RNF216: variants seen among roughly 807,000 people sequenced by gnomAD.
The protein encoded by RNF216 is E3 ubiquitin-protein ligase RNF216.
A neutral mutation model predicts 110.8 loss-of-function variants in RNF216; 72 were observed. That is an observed-to-expected ratio of 0.65 (90% CI 0.54 to 0.79). RNF216 has a LOEUF of 0.79. RNF216 is among the 30% of genes least tolerant of loss of function. The pLI is 0.00. For synonymous variants in RNF216, 495 were observed against 407.5 expected (o/e 1.21, Z -2.59); for missense variants, 1,342 against 1,141.2 (o/e 1.18, Z -2.54).
chr7:5,689,801 A>G (rs946791641), intron 13 of RNF216, among the ~76,000 whole-genome samples: 7 of 152,082 alleles, frequency 4.6e-5, no homozygotes, highest in African/African-American at 1.7e-4. Flanking sequence ...TAAAAATGCA[A>G]AAAAATTAGC....
At chr7:5,640,323 A>T (rs887924638) in intron 15 of RNF216, among the ~76,000 whole-genome samples, 1 of 152,152 alleles carries the variant, frequency 6.6e-6, no homozygotes, top group Non-Finnish European at 1.5e-5. Context: ...CAAGATTATA[A>T]AAGTCATTCC....
chr7:5,636,645 C>T (rs556454912), intron 15 of RNF216, among the ~76,000 whole-genome samples: 18 of 152,278 alleles, frequency 1.2e-4, no homozygotes, highest in Admixed American at 9.2e-4. Context: ...GGTTGGAATT[C>T]GATCGGTCTC....
chr7:5,682,551 G>A (rs756594575), intron 13 of RNF216, among the ~76,000 whole-genome samples: 1 of 151,964 alleles, frequency 6.6e-6, no homozygotes, highest in Non-Finnish European at 1.5e-5. Flanking sequence ...GGGACTACAG[G>A]TGCCCACCAC....
At chr7:5,698,583 G>A (rs977170871) in intron 13 of RNF216, among the ~76,000 whole-genome samples, 2 of 150,824 alleles carry the variant, frequency 1.3e-5, no homozygotes, top group Non-Finnish European at 3.0e-5. Flanking sequence ...GTGTAGAGAC[G>A]AGGTTGTGCT....
intron 13 of RNF216, among the ~76,000 whole-genome samples, chr7:5,682,788 T>C (rs1790743449): frequency 6.6e-6 from 1 of 152,194 alleles, no homozygotes; most frequent in Non-Finnish European, 1.5e-5. Flanking sequence ...TTTGAAACTG[T>C]GCTCCAAGAG....
At chr7:5,725,124 G>A (rs1259315147) in intron 8 of RNF216, among the ~76,000 whole-genome samples, 200 bp downstream of exon 8, 1 of 152,138 alleles carries the variant, frequency 6.6e-6, no homozygotes, top group Non-Finnish European at 1.5e-5. Context: ...TTTATCTTAA[G>A]TAGGAAGAAG....
At chr7:5,692,099 T>A (rs1324608876) in intron 13 of RNF216, among the ~76,000 whole-genome samples, 1 of 152,240 alleles carries the variant, frequency 6.6e-6, no homozygotes, top group African/African-American at 2.4e-5. Context: ...TGACAGCAAG[T>A]AAGCCCGCAA....
chr7:5,776,388 C>T (rs1584629564), intron 1 of RNF216, among the ~76,000 whole-genome samples: 1 of 151,144 alleles, frequency 6.6e-6, no homozygotes, highest in South Asian at 2.1e-4. Flanking sequence ...CGGAGACCAT[C>T]CTGGCTAACA....
chr7:5,661,587 A>C (rs1484181219), intron 13 of RNF216, among the ~76,000 whole-genome samples: 1 of 152,082 alleles, frequency 6.6e-6, no homozygotes, highest in Non-Finnish European at 1.5e-5. Context: ...TGGATCACTT[A>C]AGGTCAGGAG....
chr7:5,665,405 C>T (rs141638980), intron 13 of RNF216, among the ~76,000 whole-genome samples: 1 of 152,242 alleles, frequency 6.6e-6, no homozygotes, highest in East Asian at 1.9e-4. Flanking sequence ...TTCATACACA[C>T]CTCACCTACC....
chr7:5,657,617 T>C (rs1788829056), intron 13 of RNF216, among the ~76,000 whole-genome samples: 4 of 151,836 alleles, frequency 2.6e-5, no homozygotes, highest in African/African-American at 9.7e-5. Context: ...TCTCCAGCAC[T>C]CTTGAGGTAA....
In RNF216 at chr7:5,781,605, C is replaced by T. The variant is rs1170103609; in HGVS notation, c.-134G>A. The stretch of plus-strand genomic sequence containing the variant: ...GCCTTCGCTACCGCGCCGCTTACTC[C>T]TCAGAAGCCGCAGCTGCGAGCTCCG... On this transcript the variant is annotated 5_prime_UTR_variant, in exon 1 of 17. Transcript: ENST00000389902. 6.6e-6 allele frequency: 1 copy of T among 152,310 alleles called. No homozygotes were observed. The highest frequency in any genetic ancestry group is 1.5e-5 in the Non-Finnish European group (1 of 68,078). The allele number at this position is 152,310 out of a possible 1,614,324, so 9.4% of individuals were successfully genotyped here. A position where few individuals can be genotyped will look rare whatever the true frequency, so the allele number is the denominator to read the frequency against.
intron 13 of RNF216, among the ~76,000 whole-genome samples, chr7:5,694,665 C>T (rs1196523798): frequency 6.6e-6 from 1 of 152,204 alleles, no homozygotes; most frequent in Non-Finnish European, 1.5e-5. Context: ...TGAGGACCTG[C>T]CTGCCCTGGA....
chr7:5,738,580 C>T (rs1324363858), intron 5 of RNF216, among the ~76,000 whole-genome samples: 3 of 151,658 alleles, frequency 2.0e-5, no homozygotes, highest in Middle Eastern at 3.4e-3. Context: ...TGCTGGCAGG[C>T]GCCTGTAGTC....
chr7:5,775,954 A>G (rs1336415291), intron 1 of RNF216, among the ~76,000 whole-genome samples: 1 of 152,136 alleles, frequency 6.6e-6, no homozygotes, highest in African/African-American at 2.4e-5. Flanking sequence ...GGCCTCCACA[A>G]TACCTCTTCC....
At chr7:5,645,340 T>C (rs2128571026) in intron 14 of RNF216, among the ~76,000 whole-genome samples, 1 of 152,356 alleles carries the variant, frequency 6.6e-6, no homozygotes, top group East Asian at 1.9e-4. Context: ...TTTTGCTCTC[T>C]GCTCTTCTTT....
intron 14 of RNF216, among the ~76,000 whole-genome samples, chr7:5,643,635 T>C (rs1043341429): frequency 2.6e-5 from 4 of 152,320 alleles, no homozygotes; most frequent in Non-Finnish European, 5.9e-5. Context: ...GTCCCCTTTG[T>C]GAGCGTGAAG....
chr7:5,780,994 C>A (rs1007019189), intron 1 of RNF216, among the ~76,000 whole-genome samples: 2 of 152,236 alleles, frequency 1.3e-5, no homozygotes, highest in African/African-American at 2.4e-5. Flanking sequence ...CAGCCCCCAG[C>A]GCCCCGCAGA....
chr7:5,639,408 C>CT (rs34929591), intron 15 of RNF216, among the ~76,000 whole-genome samples: 2,210 of 151,060 alleles, frequency 0.015, 45 homozygotes, highest in African/African-American at 0.05. Context: ...TTCTGTTTTC[C>CT]TTTTTTTTTG....
Sources: allele counts gnomAD v4.1 joint callset (sites outside exome capture counted in the v4.1 genomes callset), GRCh38; gene constraint gnomAD v4.1.1; transcripts MANE v1.5; gene names NCBI Gene and HGNC (gene_info 2026-07-23, HGNC 2026-07-21).